The following CTNNA2 variants were observed in gnomAD, a reference collection of about 807,000 sequenced individuals.
CTNNA2 encodes the protein catenin alpha 2.
CTNNA2 carries 42 observed loss-of-function variants against 101.0 expected under a neutral mutation model. That is an observed-to-expected ratio of 0.42 (90% CI 0.32 to 0.54). The LOEUF (loss-of-function observed/expected upper bound fraction) is 0.54, where lower values mean the gene tolerates loss of function less well. Among genes scored for constraint, CTNNA2 ranks in the 20% least tolerant of loss-of-function variants. The pLI, the probability that CTNNA2 is intolerant of heterozygous loss-of-function variation, is 0.14. For missense variants in CTNNA2, 871 were observed against 1,223.1 expected (o/e 0.71, Z 4.29); for synonymous variants, 450 against 456.4 (o/e 0.99, Z 0.18).
chr2:79,968,424 C>G (rs1198201863), intron 7 of CTNNA2, among the ~76,000 whole-genome samples: 1 of 151,970 alleles, frequency 6.6e-6, no homozygotes, highest in African/African-American at 2.4e-5. Flanking sequence ...GGCTATGAAC[C>G]CAGGAATCAG....
intron 2 of CTNNA2, among the ~76,000 whole-genome samples, chr2:79,717,307 A>G (rs1558867495): frequency 1.3e-5 from 2 of 152,228 alleles, no homozygotes. Context: ...ATTCATGCAG[A>G]AGTTTCCTTC....
chr2:79,732,565 A>T (rs555369352), intron 2 of CTNNA2, among the ~76,000 whole-genome samples: 5 of 152,110 alleles, frequency 3.3e-5, no homozygotes, highest in African/African-American at 1.2e-4. Flanking sequence ...CTAAATGAGC[A>T]TACATTCCTG....
chr2:79,895,691 A>ATT (rs757762487), intron 6 of CTNNA2, among the ~76,000 whole-genome samples: 33,711 of 107,266 alleles, frequency 0.31, 4,342 homozygotes, highest in South Asian at 0.46. Flanking sequence ...GAAATTTCTT[A>ATT]ATTTTTTTTT....
chr2:79,329,771 G>A (rs371092864), intron 3 of CTNNA2, among the ~76,000 whole-genome samples: 8 of 152,104 alleles, frequency 5.3e-5, no homozygotes, highest in East Asian at 3.9e-4. Context: ...GGCAAAATAG[G>A]GATTTGGGAA....
At chr2:80,228,212 G>T (rs73938245) in intron 7 of CTNNA2, among the ~76,000 whole-genome samples, 1 of 152,130 alleles carries the variant, frequency 6.6e-6, no homozygotes, top group Non-Finnish European at 1.5e-5. Context: ...TTGACCAGGC[G>T]ATTTATAAAC....
At chr2:80,329,217 C>A (rs1258969420) in intron 7 of CTNNA2, among the ~76,000 whole-genome samples, 2 of 152,160 alleles carry the variant, frequency 1.3e-5, no homozygotes, top group Non-Finnish European at 2.9e-5. Flanking sequence ...TTTGCTGGAT[C>A]ATTTGGGTGA....
intron 7 of CTNNA2, among the ~76,000 whole-genome samples, chr2:80,210,898 A>G (rs9677505): frequency 0.25 from 37,914 of 152,058 alleles, 7,769 homozygotes; most frequent in African/African-American, 0.56. Flanking sequence ...ACTTTTTAAT[A>G]ATCGCCATTC....
At chr2:79,740,680 A>G (rs1473241330) in intron 2 of CTNNA2, among the ~76,000 whole-genome samples, 1 of 152,214 alleles carries the variant, frequency 6.6e-6, no homozygotes, top group African/African-American at 2.4e-5. Flanking sequence ...GAATAAATAC[A>G]TTTTAAGATT....
Position 79,521,169 on chromosome 2 carries a change from A to ATAT in CTNNA2, c.-6+7962_-6+7963insTAT, listed in dbSNP as rs1672102790. On this transcript the variant is annotated intron_variant, in intron 1 of 18. Transcript: ENST00000402739. The stretch of plus-strand genomic sequence containing the variant: ...ATATATATATATATATATATATATA[A>ATAT]ATTTTAAGGTGCGCTATTTAATATA... 5.6e-5 allele frequency among the ~76,000 whole-genome samples: 6 copies of ATAT among 107,588 alleles called. 1 individual carries two copies. The highest frequency in any genetic ancestry group is 1.7e-4 in the African/African-American group (5 of 28,594). The allele number at this position is 107,588 out of a possible 152,430, so 70.6% of individuals were successfully genotyped here.
intron 6 of CTNNA2, among the ~76,000 whole-genome samples, chr2:79,894,828 G>A (rs1684586724): frequency 6.6e-6 from 1 of 152,164 alleles, no homozygotes; most frequent in African/African-American, 2.4e-5. Flanking sequence ...CAGAGATCAT[G>A]TATTGTTCAC....
At chr2:80,226,617 G>T (rs182954484) in intron 7 of CTNNA2, among the ~76,000 whole-genome samples, 1 of 152,154 alleles carries the variant, frequency 6.6e-6, no homozygotes, top group African/African-American at 2.4e-5. Flanking sequence ...AGACAGCCAT[G>T]CTTTCTTGTC....
chr2:80,546,097 C>T (rs1259345413), intron 11 of CTNNA2, 34 bp downstream of exon 11: 1 of 1,609,162 alleles, frequency 6.2e-7, no homozygotes, highest in African/African-American at 1.3e-5. Context: ...TACAAGGCAG[C>T]TGGAGGAGGG....
intron 17 of CTNNA2, among the ~76,000 whole-genome samples, chr2:80,614,834 T>C (rs951123887): frequency 6.6e-6 from 1 of 151,386 alleles, no homozygotes; most frequent in African/African-American, 2.4e-5. Flanking sequence ...AACCAAATAA[T>C]TATGGGAAGC....
intron 3 of CTNNA2, chr2:79,340,088 T>C (rs1307900877): frequency 1.3e-5 from 2 of 152,100 alleles, no homozygotes; most frequent in African/African-American, 4.8e-5. Flanking sequence ...CCGACAGGAA[T>C]AGGGAGGGTG....
chr2:79,367,082 C>T (rs1677767777), intron 3 of CTNNA2, among the ~76,000 whole-genome samples: 1 of 152,084 alleles, frequency 6.6e-6, no homozygotes, highest in South Asian at 2.1e-4. Flanking sequence ...GGGTAGAGCC[C>T]TCATGATAGG....
chr2:79,865,907 G>T (rs1201440873), intron 4 of CTNNA2, among the ~76,000 whole-genome samples: 1 of 152,140 alleles, frequency 6.6e-6, no homozygotes, highest in African/African-American at 2.4e-5. Flanking sequence ...TTTTAGTAGA[G>T]ACTGAGTTTC....
intron 1 of CTNNA2, among the ~76,000 whole-genome samples, chr2:79,600,426 C>T (rs1174513099): frequency 1.3e-5 from 2 of 152,058 alleles, no homozygotes; most frequent in East Asian, 1.9e-4. Flanking sequence ...AATCCACCCG[C>T]CTTGGCCTCC....
chr2:80,563,101 C>G (rs140783899), intron 12 of CTNNA2, among the ~76,000 whole-genome samples: 16 of 151,290 alleles, frequency 1.1e-4, no homozygotes, highest in African/African-American at 3.9e-4. Context: ...GATTCAGAAT[C>G]CTGGGAACTG....
chr2:80,085,195 A>G (rs1699366310), intron 7 of CTNNA2, among the ~76,000 whole-genome samples: 2 of 152,032 alleles, frequency 1.3e-5, no homozygotes. Flanking sequence ...CATGACCAAT[A>G]TTGGTTGGTA....
Sources: allele counts gnomAD v4.1 joint callset (sites outside exome capture counted in the v4.1 genomes callset), GRCh38; gene constraint gnomAD v4.1.1; transcripts MANE v1.5; gene names NCBI Gene and HGNC (gene_info 2026-07-23, HGNC 2026-07-21).